HTR2C: variants seen among roughly 807,000 people sequenced by gnomAD.
The protein encoded by HTR2C is 5-hydroxytryptamine receptor 2C.
Under a neutral mutation model 21.0 loss-of-function variants are expected in HTR2C, and 5 were observed. The ratio of observed to expected loss-of-function variants is 0.24; its 90% CI spans 0.12 to 0.50. The LOEUF is 0.50. HTR2C is among the 20% of genes least tolerant of loss of function. The pLI, the probability that HTR2C is intolerant of heterozygous loss-of-function variation, is 0.98. For synonymous variants in HTR2C, 150 were observed against 145.3 expected, an observed-to-expected ratio of 1.03 and a Z score of -0.23; for missense variants, 271 against 371.2, an observed-to-expected ratio of 0.73 and a Z score of 2.22.
At chrX:114,625,335 G>A (rs1346171812) in intron 2 of HTR2C, among the ~76,000 whole-genome samples, 1 of 111,682 alleles carries the variant, frequency 9.0e-6, no homozygotes, top group Non-Finnish European at 1.9e-5. Context: ...TGAGAATGGG[G>A]CCTAATGGGA....
At chrX:114,737,618 G>T (rs1556424712) in intron 4 of HTR2C, among the ~76,000 whole-genome samples, 1 of 111,825 alleles carries the variant, frequency 8.9e-6, no homozygotes, top group African/African-American at 3.3e-5. Flanking sequence ...AATATAATAT[G>T]AGAGGGCATA....
intron 5 of HTR2C, among the ~76,000 whole-genome samples, chrX:114,852,635 A>G (rs1010355025): frequency 8.1e-5 from 9 of 111,314 alleles, no homozygotes; most frequent in Admixed American, 2.9e-4. Flanking sequence ...AGCTAAATTC[A>G]TTCTATTATT....
At chrX:114,825,138 T>C (rs1414796906) in intron 4 of HTR2C, among the ~76,000 whole-genome samples, 1 of 111,645 alleles carries the variant, frequency 9.0e-6, no homozygotes, top group Non-Finnish European at 1.9e-5. Context: ...ATTTCTGCTT[T>C]TATATTTATT....
chrX:114,820,223 T>A (rs1463280317), intron 4 of HTR2C, among the ~76,000 whole-genome samples: 1 of 109,077 alleles, frequency 9.2e-6, no homozygotes, highest in African/African-American at 3.3e-5. Flanking sequence ...AGTAGATATA[T>A]AAATATTATA....
At chrX:114,805,936 A>G (rs2070418110) in intron 4 of HTR2C, among the ~76,000 whole-genome samples, 1 of 47,275 alleles carries the variant, frequency 2.1e-5, no homozygotes, top group South Asian at 1.7e-3. Context: ...CACCATATAT[A>G]TACCATATAT....
chrX:114,906,589 G>T lies in HTR2C; in HGVS notation c.551G>T (p.Gly184Val), dbSNP rs1216804435. ...ACCCCCTTCCTTTTTCTTCCTTTAG[G>T]TGTATCAGTTCCTATCCCTGTGATT... ...KIAIVWAISI[G>V]VSVPIPVIGL... The change falls in exon 6 of 6, where the codon GGT (glycine) becomes GTT (valine). Residue 184 changes from glycine (G) to valine (V), a missense_variant and splice_region_variant. Coordinates refer to ENST00000276198, the MANE Select transcript of HTR2C (RefSeq NM_000868.4). 3.4e-6 allele frequency: 4 copies of T among 1,178,544 alleles called. No individual in the cohort carries two copies. The highest frequency in any genetic ancestry group is 4.6e-5 in the Admixed American group (2 of 43,927).
chrX:114,747,657 A>G (rs1038415236), intron 4 of HTR2C, among the ~76,000 whole-genome samples: 9 of 112,222 alleles, frequency 8.0e-5, no homozygotes, highest in Non-Finnish European at 1.1e-4. Context: ...TCTTGCTTGC[A>G]CTTTCTCTCT....
chrX:114,718,969 ATTTAAT>A (rs1556420201), intron 2 of HTR2C, among the ~76,000 whole-genome samples: 43 of 60,677 alleles, frequency 7.1e-4, no homozygotes, highest in African/African-American at 2.3e-3. Context: ...TAATATTAAT[ATTTAAT>A]ATATATAATA....
At chrX:114,641,159 G>A (rs931333165) in intron 2 of HTR2C, among the ~76,000 whole-genome samples, 1 of 107,239 alleles carries the variant, frequency 9.3e-6, no homozygotes, top group Non-Finnish European at 1.9e-5. Context: ...CTATAACCTC[G>A]AACTCCCTGT....
At chrX:114,639,701 T>C (rs1930015236) in intron 2 of HTR2C, among the ~76,000 whole-genome samples, 1 of 112,097 alleles carries the variant, frequency 8.9e-6, no homozygotes, top group African/African-American at 3.2e-5. Flanking sequence ...CAACACAACA[T>C]AATGTTTAAG....
At chrX:114,877,403 G>T (rs2071147424) in intron 5 of HTR2C, among the ~76,000 whole-genome samples, 1 of 110,474 alleles carries the variant, frequency 9.1e-6, no homozygotes, top group African/African-American at 3.3e-5. Flanking sequence ...ATCCAACACT[G>T]TTTCATTGAC....
At chrX:114,588,975 G>A (rs1337797203) in intron 1 of HTR2C, among the ~76,000 whole-genome samples, 3 of 111,717 alleles carry the variant, frequency 2.7e-5, no homozygotes, top group Non-Finnish European at 5.6e-5. Context: ...TTGCAGTTAG[G>A]GAAACTGAGG....
intron 5 of HTR2C, among the ~76,000 whole-genome samples, chrX:114,904,557 T>A (rs2071358501): frequency 8.9e-6 from 1 of 112,026 alleles, no homozygotes; most frequent in African/African-American, 3.2e-5. Flanking sequence ...TTTAATTGTG[T>A]CATGAAAATT....
intron 4 of HTR2C, among the ~76,000 whole-genome samples, chrX:114,781,268 C>A (rs1556440522): frequency 9.0e-6 from 1 of 110,945 alleles, no homozygotes; most frequent in East Asian, 2.8e-4. Context: ...GGGAGGATCA[C>A]TTGAGGCTAC....
chrX:114,884,022 C>A (rs1450154846), intron 5 of HTR2C, among the ~76,000 whole-genome samples: 1 of 110,781 alleles, frequency 9.0e-6, no homozygotes, highest in East Asian at 2.8e-4. Context: ...TGAGATAATG[C>A]GGTATTTGTT....
intron 4 of HTR2C, among the ~76,000 whole-genome samples, chrX:114,833,485 C>A (rs782600924): frequency 9.0e-6 from 1 of 110,942 alleles, no homozygotes; most frequent in African/African-American, 3.3e-5. Context: ...AGTTTATTTG[C>A]GTAGAGGTGT....
At chrX:114,901,832 A>G (rs940565258) in intron 5 of HTR2C, among the ~76,000 whole-genome samples, 1 of 111,790 alleles carries the variant, frequency 8.9e-6, no homozygotes, top group African/African-American at 3.2e-5. Flanking sequence ...AATCTCAGAA[A>G]GGTTAAGTGA....
intron 5 of HTR2C, among the ~76,000 whole-genome samples, chrX:114,852,926 C>A (rs907348854): frequency 4.5e-5 from 5 of 111,291 alleles, no homozygotes; most frequent in African/African-American, 1.6e-4. Flanking sequence ...CAGAATTTAT[C>A]TTCTAAATAA....
chrX:114,859,415 T>A (rs782349960), intron 5 of HTR2C, among the ~76,000 whole-genome samples: 2 of 110,923 alleles, frequency 1.8e-5, no homozygotes, highest in East Asian at 5.7e-4. Context: ...GCAATATTAA[T>A]ATTTTCTTTT....
Sources: gnomAD v4.1 joint callset for allele counts (sites outside exome capture counted in the v4.1 genomes callset) on GRCh38, gnomAD v4.1.1 for gene constraint, MANE v1.5 for transcripts, NCBI Gene and HGNC (gene_info 2026-07-23, HGNC 2026-07-21) for gene names.